RBMS3: variants seen among roughly 807,000 people sequenced by gnomAD.
RBMS3 encodes RNA binding motif single stranded interacting protein 3.
RBMS3 carries 27 observed loss-of-function variants against 66.8 expected under a neutral mutation model. The ratio of observed to expected loss-of-function variants is 0.40; its 90% CI spans 0.30 to 0.56. The LOEUF (loss-of-function observed/expected upper bound fraction) is 0.56. Among genes scored for constraint, RBMS3 ranks in the 20% least tolerant of loss-of-function variants. The pLI is 0.40. For synonymous variants in RBMS3, 188 were observed against 183.0 expected (o/e 1.03, Z -0.22); for missense variants, 513 against 549.5 (o/e 0.93, Z 0.66).
chr3:29,659,091 C>G (rs896234962), intron 4 of RBMS3, among the ~76,000 whole-genome samples: 1 of 152,078 alleles, frequency 6.6e-6, no homozygotes, highest in African/African-American at 2.4e-5. Context: ...TGCTGGGATT[C>G]GAGGCATGAG....
At position 29,310,312 on chromosome 3, in the gene RBMS3, G is replaced by A. The variant is rs376479060; in HGVS notation, c.75+28556G>A. Among the ~76,000 whole-genome samples, 74 of 151,700 alleles carry A rather than the reference G, an allele frequency of 4.9e-4. No homozygotes were observed. In the South Asian group the frequency reaches 6.0e-3, roughly 12 times the overall value. On this transcript the variant is annotated intron_variant, in intron 1 of 14. Transcript: ENST00000383767. ...CTCTGTGAATAAGCTGGGGGGGCCCGGATAAGGTCATATCTGGAGAGGCAA... is the reference window on the plus strand; with the variant it reads ...CTCTGTGAATAAGCTGGGGGGGCCCAGATAAGGTCATATCTGGAGAGGCAA...
chr3:29,556,175 C>A (rs895255791), intron 3 of RBMS3, among the ~76,000 whole-genome samples: 1 of 151,976 alleles, frequency 6.6e-6, no homozygotes, highest in Non-Finnish European at 1.5e-5. Context: ...TTTGAAAAGA[C>A]AAAATTATTT....
At chr3:29,613,010 T>C (rs778574783) in intron 4 of RBMS3, among the ~76,000 whole-genome samples, 2 of 152,164 alleles carry the variant, frequency 1.3e-5, no homozygotes, top group Non-Finnish European at 2.9e-5. Flanking sequence ...CTATCTGCCT[T>C]GCCTTATTAG....
At chr3:29,956,187 A>G (rs1056274769) in intron 12 of RBMS3, among the ~76,000 whole-genome samples, 1 of 152,082 alleles carries the variant, frequency 6.6e-6, no homozygotes, top group Non-Finnish European at 1.5e-5. Flanking sequence ...CACTAGTCAC[A>G]GTTCTTTGTA....
rs187160000 is a variant in RBMS3, at chr3:29,806,238, T to C, written c.637+43249T>C. Among the ~76,000 whole-genome samples, 441 of 151,968 alleles carry C rather than the reference T, an allele frequency of 2.9e-3. 2 individuals are homozygous for C. The highest frequency in any genetic ancestry group is 8.7e-4 in the Non-Finnish European group (59 of 67,872). On this transcript the variant is annotated intron_variant, in intron 6 of 14. Coordinates refer to ENST00000383767, the MANE Select transcript of RBMS3 (RefSeq NM_001003793.3). ...TAAAAATAGTTTAAAAGAACAGAAA[T>C]CATTTTGACCACTCATTTATTTATT...
chr3:29,712,033 AG>A (rs765047942), intron 4 of RBMS3, among the ~76,000 whole-genome samples: 41 of 152,136 alleles, frequency 2.7e-4, no homozygotes, highest in Non-Finnish European at 5.0e-4. Flanking sequence ...TAATTATGGT[AG>A]GAGAGCATTT....
intron 3 of RBMS3, among the ~76,000 whole-genome samples, chr3:29,502,144 C>T (rs1007685298): frequency 2.0e-5 from 3 of 152,004 alleles, no homozygotes; most frequent in Non-Finnish European, 4.4e-5. Flanking sequence ...AAAACCAGCC[C>T]GCTTCACTCA....
At chr3:29,848,106 T>C (rs149976269) in intron 6 of RBMS3, among the ~76,000 whole-genome samples, 4 of 152,264 alleles carry the variant, frequency 2.6e-5, no homozygotes, top group Middle Eastern at 3.4e-3. Flanking sequence ...AAGGAATTGA[T>C]TGTTGTATTG....
At chr3:29,537,091 A>T (rs940328831) in intron 3 of RBMS3, among the ~76,000 whole-genome samples, 86 of 152,164 alleles carry the variant, frequency 5.7e-4, no homozygotes, top group African/African-American at 2.0e-3. Context: ...ATTTTTTCAA[A>T]TAGATTTGGA....
intron 6 of RBMS3, among the ~76,000 whole-genome samples, chr3:29,857,561 TAAAA>T (rs35553639): frequency 5.7e-5 from 8 of 139,512 alleles, no homozygotes; most frequent in Admixed American, 1.4e-4. Context: ...CTTTTTTTGT[TAAAA>T]AAAAAAAAAA....
chr3:29,859,082 C>A (rs2059148944), intron 6 of RBMS3, among the ~76,000 whole-genome samples: 1 of 152,094 alleles, frequency 6.6e-6, no homozygotes, highest in Admixed American at 6.6e-5. Flanking sequence ...TCAACGTATG[C>A]TATTTTTTAT....
chr3:29,439,598 T>TTTATTTATTTAA (rs2041537428), intron 2 of RBMS3, among the ~76,000 whole-genome samples: 2 of 151,100 alleles, frequency 1.3e-5, no homozygotes, highest in South Asian at 2.1e-4. Flanking sequence ...TCTCTTTTTA[T>TTTATTTATTTAA]TTATTTATTT....
chr3:29,571,455 G>A (rs2046951364), intron 3 of RBMS3, among the ~76,000 whole-genome samples: 3 of 152,124 alleles, frequency 2.0e-5, no homozygotes, highest in African/African-American at 7.2e-5. Flanking sequence ...TTTGTATATG[G>A]TGAGAGACAG....
intron 4 of RBMS3, among the ~76,000 whole-genome samples, chr3:29,637,261 A>G (rs1038640072): frequency 3.3e-5 from 5 of 151,734 alleles, no homozygotes; most frequent in African/African-American, 1.2e-4. Context: ...CAGAAGTTCT[A>G]TGTTTTCTGG....
At chr3:29,783,684 T>C (rs2056720191) in intron 6 of RBMS3, among the ~76,000 whole-genome samples, 1 of 152,028 alleles carries the variant, frequency 6.6e-6, no homozygotes, top group African/African-American at 2.4e-5. Context: ...AATAGGATAG[T>C]ACCTCACATC....
chr3:29,590,662 G>A (rs1470498679), intron 4 of RBMS3, among the ~76,000 whole-genome samples: 2 of 151,888 alleles, frequency 1.3e-5, no homozygotes, highest in East Asian at 1.9e-4. Context: ...ACTGTTCTTG[G>A]CAACTTCAGG....
At chr3:29,980,701 A>T (rs1697926171) in intron 12 of RBMS3, among the ~76,000 whole-genome samples, 1 of 152,098 alleles carries the variant, frequency 6.6e-6, no homozygotes. Context: ...TCCTTTCCCC[A>T]TTGCTTGTTT....
chr3:29,454,168 C>A (rs946025625), intron 2 of RBMS3, among the ~76,000 whole-genome samples: 3 of 152,180 alleles, frequency 2.0e-5, no homozygotes, highest in Admixed American at 6.5e-5. Context: ...CCAGGAGGCC[C>A]CAGCTCCCTG....
intron 1 of RBMS3, among the ~76,000 whole-genome samples, chr3:29,401,578 G>A (rs1388333570): frequency 1.3e-5 from 2 of 152,044 alleles, no homozygotes; most frequent in Non-Finnish European, 2.9e-5. Context: ...AAGAGGAAAA[G>A]TTATAGCTAG....
Sources: gnomAD v4.1 joint callset for allele counts (sites outside exome capture counted in the v4.1 genomes callset) on GRCh38, gnomAD v4.1.1 for gene constraint, MANE v1.5 for transcripts, NCBI Gene and HGNC (gene_info 2026-07-23, HGNC 2026-07-21) for gene names.